Variants in KIAA1217 observed in about 807,000 individuals in gnomAD.
KIAA1217 encodes the protein sickle tail protein homolog.
Under a neutral mutation model 163.9 loss-of-function variants are expected in KIAA1217, and 88 were observed. That is an observed-to-expected ratio of 0.54 (90% CI 0.45 to 0.64). The LOEUF (loss-of-function observed/expected upper bound fraction) is 0.64. Ranked by LOEUF, KIAA1217 falls within the 30% of genes least tolerant of loss-of-function variation. The probability of loss-of-function intolerance (pLI) is 0.00; values close to 1 mark genes in which losing one functional copy is unlikely to be tolerated. For missense variants in KIAA1217, 2,372 were observed against 2,475.0 expected, an observed-to-expected ratio of 0.96 and a Z score of 0.88; for synonymous variants, 903 against 923.1, an observed-to-expected ratio of 0.98 and a Z score of 0.39.
rs538020457 is a variant in KIAA1217, at chr10:24,345,388, C to T, written c.355-35481C>T. ...TAAAAAGGGTAACAGAAAGAAATTG[C>T]AGCCTACTGCTGTGAGCCTATCCAA... On this transcript the variant is annotated intron_variant, in intron 2 of 20. Coordinates refer to ENST00000376454, the MANE Select transcript of KIAA1217 (RefSeq NM_019590.5). Among the ~76,000 whole-genome samples the T allele has an allele frequency of 3.9e-5, 6 of 152,330 alleles. No individual in the cohort carries two copies. In the South Asian group the frequency reaches 1.2e-3, roughly 32 times the overall value.
At chr10:24,117,172 G>A (rs1179634804) in intron 2 of KIAA1217, among the ~76,000 whole-genome samples, 1 of 151,950 alleles carries the variant, frequency 6.6e-6, no homozygotes, top group Non-Finnish European at 1.5e-5. Flanking sequence ...CTAGTAGCTG[G>A]GATTACAGGC....
Position 24,018,055 on chromosome 10 carries a change from G to A in KIAA1217, c.-171+10681G>A, listed in dbSNP as rs1269815219. Among the ~76,000 whole-genome samples, 4 of 152,180 alleles carry A rather than the reference G, an allele frequency of 2.6e-5. No individual in the cohort carries two copies. The East Asian group carries it at 7.7e-4, about 29-fold the overall frequency. ...CCGAGTTTAAAGTGGCCTCAAGTTT[G>A]TAGTATCCCAGCTTCTTTCTGCTTT... On this transcript the variant is annotated intron_variant, in intron 2 of 18. Coordinates refer to the KIAA1217 transcript ENST00000376462.
At chr10:24,121,087 C>CT (rs2063265183) in intron 2 of KIAA1217, among the ~76,000 whole-genome samples, 1 of 152,194 alleles carries the variant, frequency 6.6e-6, no homozygotes, top group Non-Finnish European at 1.5e-5. Context: ...ATCCTGTATT[C>CT]TTTTTGTTTG....
intron 2 of KIAA1217, among the ~76,000 whole-genome samples, chr10:24,041,238 T>C (rs1410448324): frequency 6.6e-6 from 1 of 152,160 alleles, no homozygotes; most frequent in African/African-American, 2.4e-5. Flanking sequence ...CAGCTTAACC[T>C]CAAGTCATAA....
chr10:24,268,848 G>T (rs1266855089), intron 2 of KIAA1217, among the ~76,000 whole-genome samples: 11 of 137,698 alleles, frequency 8.0e-5, no homozygotes, highest in Middle Eastern at 3.6e-3. Flanking sequence ...AGAAAATGTG[G>T]CATATATACA....
chr10:23,846,017 G>A (rs1295303706), intron 1 of KIAA1217, among the ~76,000 whole-genome samples: 1 of 152,132 alleles, frequency 6.6e-6, no homozygotes, highest in Non-Finnish European at 1.5e-5. Flanking sequence ...CTTTGTGTCA[G>A]GTTTGTCAAA....
intron 2 of KIAA1217, among the ~76,000 whole-genome samples, chr10:24,030,175 AT>A (rs1239070998): frequency 6.6e-6 from 1 of 152,184 alleles, no homozygotes; most frequent in East Asian, 1.9e-4. Flanking sequence ...CATTTTAAGC[AT>A]TTTTAATTGT....
intron 2 of KIAA1217, among the ~76,000 whole-genome samples, chr10:24,378,034 G>A (rs1331442611): frequency 6.6e-6 from 1 of 152,110 alleles, no homozygotes; most frequent in Non-Finnish European, 1.5e-5. Context: ...AAGATCGTGG[G>A]GGTCTCACAT....
intron 2 of KIAA1217, among the ~76,000 whole-genome samples, chr10:24,193,509 G>A (rs903935146): frequency 1.3e-5 from 2 of 152,198 alleles, no homozygotes; most frequent in African/African-American, 4.8e-5. Flanking sequence ...CACAGCGTTA[G>A]ATGTTTCTTC....
chr10:24,538,590 AAGGAAGGAAGGAAGGAAAAAGAG>A (rs1260544355), intron 17 of KIAA1217, among the ~76,000 whole-genome samples: 29 of 68,524 alleles, frequency 4.2e-4, no homozygotes, highest in African/African-American at 1.0e-3. Flanking sequence ...GGAAGGAAGG[AAGGAAGGAAGGAAGGAAAAAGAG>A]AGGAAGGAAA....
At chr10:24,323,242 C>T (rs996624824) in intron 2 of KIAA1217, among the ~76,000 whole-genome samples, 1 of 152,184 alleles carries the variant, frequency 6.6e-6, no homozygotes, top group Non-Finnish European at 1.5e-5. Context: ...GTGTACCTGG[C>T]TTCAGCCCTT....
At chr10:24,098,593 A>G (rs1460024099) in intron 2 of KIAA1217, among the ~76,000 whole-genome samples, 1 of 152,108 alleles carries the variant, frequency 6.6e-6, no homozygotes, top group Non-Finnish European at 1.5e-5. Flanking sequence ...CTCAGGGACT[A>G]GACAAATTTC....
At chr10:24,116,852 G>C (rs1161479667) in intron 2 of KIAA1217, among the ~76,000 whole-genome samples, 1 of 152,058 alleles carries the variant, frequency 6.6e-6, no homozygotes, top group African/African-American at 2.4e-5. Context: ...AGACTGTGTG[G>C]TACTTATTTC....
chr10:24,148,884 A>T (rs1176419054), intron 2 of KIAA1217, among the ~76,000 whole-genome samples: 2 of 152,208 alleles, frequency 1.3e-5, no homozygotes, highest in African/African-American at 4.8e-5. Context: ...TTCTGTTTCT[A>T]TACAATATTC....
intron 2 of KIAA1217, among the ~76,000 whole-genome samples, chr10:24,365,573 A>G (rs2050670079): frequency 6.6e-6 from 1 of 152,188 alleles, no homozygotes; most frequent in Non-Finnish European, 1.5e-5. Flanking sequence ...GAGGGCCCTA[A>G]GCAACCCTCA....
intron 3 of KIAA1217, among the ~76,000 whole-genome samples, chr10:24,383,920 C>T (rs1172308272): frequency 6.6e-6 from 1 of 152,212 alleles, no homozygotes; most frequent in Admixed American, 6.5e-5. Flanking sequence ...AGTCTCCCTC[C>T]CAGGGGCCTT....
intron 2 of KIAA1217, among the ~76,000 whole-genome samples, chr10:24,195,016 T>G (rs1364294824): frequency 6.6e-6 from 1 of 152,206 alleles, no homozygotes; most frequent in East Asian, 1.9e-4. Context: ...AAGAGGAGAA[T>G]GAGGCTGTCT....
intron 3 of KIAA1217, among the ~76,000 whole-genome samples, chr10:24,406,742 G>A (rs1160725928): frequency 6.6e-6 from 1 of 152,190 alleles, no homozygotes; most frequent in Non-Finnish European, 1.5e-5. Flanking sequence ...TCTGAAGTTA[G>A]AATTATAATC....
At chr10:24,347,139 A>T (rs1346070265) in intron 2 of KIAA1217, among the ~76,000 whole-genome samples, 1 of 152,162 alleles carries the variant, frequency 6.6e-6, no homozygotes, top group African/African-American at 2.4e-5. Flanking sequence ...AGGAGTCATG[A>T]AAAAAAGCCA....
Sources: gnomAD v4.1 joint callset for allele counts (sites outside exome capture counted in the v4.1 genomes callset) on GRCh38, gnomAD v4.1.1 for gene constraint, MANE v1.5 for transcripts, NCBI Gene and HGNC (gene_info 2026-07-23, HGNC 2026-07-21) for gene names.